Variants in LRRC71 observed in about 807,000 individuals in gnomAD.
The protein encoded by LRRC71 is leucine-rich repeat-containing protein 71.
A neutral mutation model predicts 66.6 loss-of-function variants in LRRC71; 54 were observed. That is an observed-to-expected ratio of 0.81 (90% CI 0.65 to 1.02). The LOEUF (loss-of-function observed/expected upper bound fraction) is 1.02. Ranked by LOEUF, LRRC71 falls within the 50% of genes least tolerant of loss-of-function variation. The pLI, the probability that LRRC71 is intolerant of heterozygous loss-of-function variation, is 0.00. For missense variants in LRRC71, 724 were observed against 718.0 expected (o/e 1.01, Z -0.10); for synonymous variants, 323 against 303.9 (o/e 1.06, Z -0.65).
At chr1:156,932,256 A>G (rs1654487336) in intron 13 of LRRC71, 168 bp from the exon 14 acceptor site, 2 of 667,710 alleles carry the variant, frequency 3.0e-6, no homozygotes, top group South Asian at 3.7e-5. Flanking sequence ...AGAGATGGGG[A>G]GTGTGTGAGT....
In LRRC71 at chr1:156,920,712, T is replaced by C. The variant is rs1049844108; in HGVS notation, c.-92T>C. Reference sequence around the variant, plus strand: ...CCCTGGACGCGGAACAGAGATCCCCTGATTCAGCCACCCCCAGACTGAGCC... The same window carrying C: ...CCCTGGACGCGGAACAGAGATCCCCCGATTCAGCCACCCCCAGACTGAGCC... On this transcript the variant is annotated 5_prime_UTR_variant, in exon 1 of 15. Transcript: ENST00000337428. The surrounding 1 kb of genome is among the most constrained non-coding windows in gnomAD (Gnocchi z 4.9). 6.0e-6 allele frequency: 8 copies of C among 1,331,248 alleles called. No individual in the cohort carries two copies. The highest frequency in any genetic ancestry group is 6.8e-6 in the Non-Finnish European group (7 of 1,032,878). 82.5% of individuals were successfully genotyped at this position (1,331,248 alleles called of 1,614,324 possible). A position where few individuals can be genotyped will look rare whatever the true frequency, so the allele number is the denominator to read the frequency against.
At chr1:156,932,581 G>A (rs750634611) in intron 14 of LRRC71, 36 bp downstream of exon 14, 57 of 1,613,932 alleles carry the variant, frequency 3.5e-5, no homozygotes, top group Non-Finnish European at 4.2e-5. Context: ...TGAAGCAGAC[G>A]TTGCCCCTAT....
At chr1:156,936,154 T>A (rs763535680), downstream of LRRC71, 37 of 1,230,984 alleles carry the variant, frequency 3.0e-5, no homozygotes, top group Non-Finnish European at 4.2e-5. Context: ...GAACAGATCC[T>A]TCATCACCTT....
Position 156,920,797 on chromosome 1 carries a change from C to T in LRRC71, c.-7C>T. On this transcript the variant is annotated 5_prime_UTR_variant, in exon 1 of 15. Coordinates refer to ENST00000337428, the MANE Select transcript of LRRC71 (RefSeq NM_144702.3). The surrounding 1 kb of genome is among the most constrained non-coding windows in gnomAD (Gnocchi z 4.9). The stretch of plus-strand genomic sequence containing the variant: ...AAGGTCCCAGAGACGCTGCGGACAA[C>T]ACCAGCATGTCGAGCGAGCAGAGCG... The T allele has an allele frequency of 6.6e-7, 1 of 1,515,608 alleles. No homozygotes were observed. Among genetic ancestry groups the T allele is most frequent in the Non-Finnish European group, 8.9e-7 (1 of 1,129,152 alleles). 93.9% of individuals were successfully genotyped at this position (1,515,608 alleles called of 1,614,324 possible).
In LRRC71 at chr1:156,930,540, C is replaced by T. The variant is rs745730282; in HGVS notation, c.1252C>T (p.Pro418Ser). 13 of 1,563,624 alleles carry T rather than the reference C, an allele frequency of 8.3e-6. No homozygotes were observed. In the African/African-American group the frequency reaches 1.6e-4, roughly 20 times the overall value. The change falls in exon 12 of 15, where the codon CCT becomes TCT. Residue 418 changes from proline (P) to serine (S), a missense_variant. By Grantham distance (74) the Pro-to-Ser change is moderately conservative. Transcript: ENST00000337428. ...TCTTCTGGCCCCAGAGGTAACCATCCCTGAACAGAAGCCAAGCAGGGCAAA... is the reference window on the plus strand; with the variant it reads ...TCTTCTGGCCCCAGAGGTAACCATCTCTGAACAGAAGCCAAGCAGGGCAAA... ...TKAGKGKVTI[P>S]EQKPSRAKGI...
At chr1:156,928,603 C>T (rs1242476442) in intron 9 of LRRC71, among the ~76,000 whole-genome samples, 1 of 113,998 alleles carries the variant, frequency 8.8e-6, no homozygotes, top group Non-Finnish European at 1.6e-5. Flanking sequence ...TGGAGTCTGG[C>T]TCTGTTACCT....
chr1:156,933,753 G>C (rs1654689034), downstream of LRRC71, among the ~76,000 whole-genome samples: 1 of 152,176 alleles, frequency 6.6e-6, no homozygotes, highest in African/African-American at 2.4e-5. Flanking sequence ...CTGGCTTCGG[G>C]GAGCCTACCT....
At position 156,932,858 on chromosome 1, in the gene LRRC71, T is replaced by C. The variant is rs561623900; in HGVS notation, c.1569T>C (p.Asn523=). 4.6e-5 allele frequency: 73 copies of C among 1,597,768 alleles called. No individual in the cohort carries two copies. Among genetic ancestry groups the C allele is most frequent in the Admixed American group, 2.6e-4 (15 of 58,806 alleles). Residue 523 remains asparagine, a synonymous_variant, in exon 15 of 15, where the codon AAT becomes AAC. Coordinates refer to ENST00000337428, the MANE Select transcript of LRRC71 (RefSeq NM_144702.3). ...VGLLWLSLAK[N]CFAPQCPAYA... ...AGCCTTCCTTTTCTTTTCAGAAAAA[T>C]TGCTTCGCCCCACAATGTCCTGCGT...
rs1015105466 is a variant in LRRC71, at chr1:156,932,438, G to C, written c.1456G>C (p.Glu486Gln). The C allele has an allele frequency of 1.2e-6, 2 of 1,613,486 alleles. No individual in the cohort carries two copies. Among genetic ancestry groups the C allele is most frequent in the South Asian group, 1.1e-5 (1 of 91,042 alleles). The change falls in exon 14 of 15, where the codon GAG (glutamate) becomes CAG (glutamine). Residue 486 changes from glutamate to glutamine, a missense_variant. Coordinates refer to ENST00000337428, the MANE Select transcript of LRRC71 (RefSeq NM_144702.3). ...ACTTCCACCAGGGAACCGCATCACA[G>C]AGGTGGGGCTGGAGGGCTTCCTCGC... ...HLNLIRNRIT[E>Q]VGLEGFLATV...
chr1:156,921,587 C>T (rs1652373571), intron 1 of LRRC71: 1 of 972,994 alleles, frequency 1.0e-6, no homozygotes, highest in African/African-American at 1.8e-5. Flanking sequence ...TAGCCAGGTA[C>T]TATCTCTTTG....
Position 156,920,652 on chromosome 1 carries a change from G to T in LRRC71, c.-152G>T. ...GCGCGGTTGTCTTGGAGAGGGACGC[G>T]TAGGCTACGCCACCGCGGACGGGTC... On this transcript the variant is annotated 5_prime_UTR_variant, in exon 1 of 15. Transcript: ENST00000337428. This position sits in a 1 kb window ranked among gnomAD's most constrained non-coding sequence, Gnocchi z 4.9. 1.0e-6 allele frequency: 1 copy of T among 991,408 alleles called. No homozygotes were observed. Among genetic ancestry groups the T allele is most frequent in the Non-Finnish European group, 1.3e-6 (1 of 748,220 alleles). The allele number at this position is 991,408 out of a possible 1,614,324, so 61.4% of individuals were successfully genotyped here.
At chr1:156,925,516 AG>A (rs1653058381) in intron 5 of LRRC71, among the ~76,000 whole-genome samples, 1 of 152,242 alleles carries the variant, frequency 6.6e-6, no homozygotes, top group Non-Finnish European at 1.5e-5. Flanking sequence ...GATGTGAGGC[AG>A]GAAGACCTGG....
chr1:156,939,713 C>G, the LRRC71 span: 5 of 1,614,142 alleles, frequency 3.1e-6, no homozygotes, highest in Admixed American at 8.3e-5. Flanking sequence ...CGTTCCCCCT[C>G]CAGCCCTGCA....
At chr1:156,932,256 AGT>A (rs1654487657) in intron 13 of LRRC71, 166 bp from the exon 14 acceptor site, 3 of 667,710 alleles carry the variant, frequency 4.5e-6, no homozygotes, top group Non-Finnish European at 8.0e-6. Context: ...AGAGATGGGG[AGT>A]GTGTGAGTAA....
chr1:156,936,495 AAAATATATATATAT>A (rs1337539845), downstream of LRRC71, among the ~76,000 whole-genome samples: 13 of 57,106 alleles, frequency 2.3e-4, 1 homozygote, highest in South Asian at 1.7e-3. Context: ...AAAAAAAAAA[AAAATATATATATAT>A]ATATATATAT....
intron 1 of LRRC71, 119 bp downstream of exon 1, chr1:156,921,082 G>C (rs1652288916): frequency 8.3e-7 from 1 of 1,209,930 alleles, no homozygotes; most frequent in Admixed American, 3.7e-5. Flanking sequence ...TTGAGTTCCT[G>C]AATCTCGGCT....
intron 2 of LRRC71, 67 bp downstream of exon 2, chr1:156,924,165 A>T (rs974577751): frequency 1.3e-6 from 2 of 1,487,378 alleles, no homozygotes; most frequent in Non-Finnish European, 1.8e-6. Flanking sequence ...CTCCCTTCCC[A>T]CGCCGGGCCA....
intron 12 of LRRC71, 58 bp from the exon 13 acceptor site, chr1:156,931,858 A>G (rs1654416093): frequency 7.7e-7 from 1 of 1,295,542 alleles, no homozygotes; most frequent in Non-Finnish European, 1.1e-6. Flanking sequence ...TGAATGAATG[A>G]ATGGCCTGTT....
intron 9 of LRRC71, 72 bp from the exon 10 acceptor site, chr1:156,929,208 G>C: frequency 6.5e-7 from 1 of 1,527,046 alleles, no homozygotes. Context: ...TATGGGTATA[G>C]CTACCTTTCA....
Sources: gnomAD v4.1 joint callset for allele counts (sites outside exome capture counted in the v4.1 genomes callset) on GRCh38, gnomAD v4.1.1 for gene constraint, Gnocchi (gnomAD v3.1) non-coding constraint, MANE v1.5 for transcripts, NCBI Gene and HGNC (gene_info 2026-07-23, HGNC 2026-07-21) for gene names.